Variants in NADK observed in about 807,000 individuals in gnomAD.
NADK encodes poly(P)/ATP NAD kinase.
NADK carries 22 observed loss-of-function variants against 49.8 expected under a neutral mutation model. The observed-to-expected ratio is 0.44, with a 90% confidence interval of 0.32 to 0.63. The LOEUF (loss-of-function observed/expected upper bound fraction) is 0.63, where lower values mean the gene tolerates loss of function less well. Among genes scored for constraint, NADK ranks in the 30% least tolerant of loss-of-function variants. The probability of loss-of-function intolerance (pLI) is 0.06; values close to 1 mark genes in which losing one functional copy is unlikely to be tolerated. For synonymous variants in NADK, 268 were observed against 253.7 expected (o/e 1.06, Z -0.54); for missense variants, 438 against 609.4 (o/e 0.72, Z 2.96).
At position 1,754,301 on chromosome 1, in the gene NADK, G is replaced by GTGA; in HGVS notation, c.923_925dup (p.Ile308dup). ...GGCCTTACCGTCGCCCTGCACCGTGGTGATGAGGTGTCCGTCCAGGTAGAC... is the reference window on the plus strand; with the variant it reads ...GGCCTTACCGTCGCCCTGCACCGTGGTGATGATGAGGTGTCCGTCCAGGTAGAC... On this transcript the variant is annotated inframe_insertion, in exon 9 of 12. Coordinates refer to ENST00000341426, the MANE Select transcript of NADK (RefSeq NM_023018.5). This position sits in a 1 kb window ranked among gnomAD's most constrained non-coding sequence, Gnocchi z 4.3. 1 of 1,613,822 alleles carries GTGA rather than the reference G, an allele frequency of 6.2e-7. No individual in the cohort carries two copies. The highest frequency in any genetic ancestry group is 8.5e-7 in the Non-Finnish European group (1 of 1,179,960).
At chr1:1,766,805 C>T (rs1270238833) in intron 1 of NADK, among the ~76,000 whole-genome samples, 1 of 151,710 alleles carries the variant, frequency 6.6e-6, no homozygotes, top group Non-Finnish European at 1.5e-5. Flanking sequence ...GGGTGTCTTG[C>T]TCTGTTGCCC....
At chr1:1,762,153 T>G (rs573094783) in intron 2 of NADK, 118 bp from the exon 3 acceptor site, 2 of 817,624 alleles carry the variant, frequency 2.4e-6, no homozygotes, top group Non-Finnish European at 4.0e-6. Context: ...AGATGCCAAC[T>G]CCATCTGCCC....
intron 3 of NADK, among the ~76,000 whole-genome samples, chr1:1,760,212 C>A (rs558384945): frequency 6.6e-6 from 1 of 152,264 alleles, no homozygotes; most frequent in Admixed American, 6.5e-5. Flanking sequence ...GGGGTCGGGC[C>A]CCCCGCCTCA....
At position 1,754,667 on chromosome 1, in the gene NADK, C is replaced by T; in HGVS notation, c.720G>A (p.Leu240=). ...GNAAVVLRSR[L]KVRVVKELRG... Reference sequence around the variant, plus strand: ...GGAGCTCCTTCACCACCCTGACCTTCAGCCGACTCCGGAGAACAACAGCTG... The same window carrying T: ...GGAGCTCCTTCACCACCCTGACCTTTAGCCGACTCCGGAGAACAACAGCTG... Residue 240 remains leucine, a synonymous_variant, in exon 8 of 12, where the codon CTG becomes CTA. Coordinates refer to ENST00000341426, the MANE Select transcript of NADK (RefSeq NM_023018.5). This position sits in a 1 kb window ranked among gnomAD's most constrained non-coding sequence, Gnocchi z 4.3. 1.2e-6 allele frequency: 2 copies of T among 1,613,852 alleles called. No homozygotes were observed. The highest frequency in any genetic ancestry group is 1.7e-6 in the Non-Finnish European group (2 of 1,179,918).
chr1:1,767,009 G>C (rs1239359490), intron 1 of NADK, among the ~76,000 whole-genome samples: 2 of 151,864 alleles, frequency 1.3e-5, no homozygotes, highest in Non-Finnish European at 2.9e-5. Flanking sequence ...CTGCTTCCCG[G>C]GTTCAAGTGA....
rs749774507 is a variant in NADK, at chr1:1,756,485, G to C, written c.499+18C>G. 3 of 1,613,810 alleles carry C rather than the reference G, an allele frequency of 1.9e-6. No homozygotes were observed. The highest frequency in any genetic ancestry group is 1.1e-5 in the South Asian group (1 of 91,078). Reference sequence around the variant, plus strand: ...AACTGTGCTGGAGAAACCAAGGACAGAGCTGCTGACAGCCCACCTTCTCGA... The same window carrying C: ...AACTGTGCTGGAGAAACCAAGGACACAGCTGCTGACAGCCCACCTTCTCGA... On this transcript the variant is annotated intron_variant, in intron 5 of 11. Coordinates refer to ENST00000341426, the MANE Select transcript of NADK (RefSeq NM_023018.5).
intron 3 of NADK, 70 bp downstream of exon 3, chr1:1,761,882 G>A (rs538588556): frequency 3.1e-5 from 45 of 1,444,656 alleles, no homozygotes; most frequent in South Asian, 1.4e-4. Flanking sequence ...CATGGCCCCC[G>A]GCACTCACAT....
At chr1:1,768,183 A>G (rs1447257700) in intron 1 of NADK, among the ~76,000 whole-genome samples, 1 of 151,714 alleles carries the variant, frequency 6.6e-6, no homozygotes, top group Admixed American at 6.6e-5. Context: ...AAAAAAAAAA[A>G]AAAAGAAAAA....
At chr1:1,759,477 C>G (rs1193531505) in intron 3 of NADK, among the ~76,000 whole-genome samples, 1 of 152,206 alleles carries the variant, frequency 6.6e-6, no homozygotes. Flanking sequence ...ACTCACGCAC[C>G]TCCACAACAC....
In NADK at chr1:1,754,897, C is replaced by T; in HGVS notation, c.689-199G>A. ...AATGCAGTGGTGTGATCTTGGCTCA[C>T]TGCAACCTCTGCCTCCCAGGTTCAA... On this transcript the variant is annotated intron_variant, in intron 7 of 11. Coordinates refer to ENST00000341426, the MANE Select transcript of NADK (RefSeq NM_023018.5). The surrounding 1 kb of genome is among the most constrained non-coding windows in gnomAD (Gnocchi z 4.3). 1 of 539,658 alleles carries T rather than the reference C, an allele frequency of 1.9e-6. No homozygotes were observed. The highest frequency in any genetic ancestry group is 3.7e-5 in the Admixed American group (1 of 27,318). 33.4% of individuals were successfully genotyped at this position (539,658 alleles called of 1,614,324 possible). A position where few individuals can be genotyped will look rare whatever the true frequency, so the allele number is the denominator to read the frequency against.
At chr1:1,774,606 G>A (rs551077681) in intron 1 of NADK, among the ~76,000 whole-genome samples, 7 of 151,470 alleles carry the variant, frequency 4.6e-5, no homozygotes, top group African/African-American at 7.3e-5. Context: ...TGGCCACTGC[G>A]CGCGGCCACC....
In NADK at chr1:1,765,499, C is replaced by G. The variant is rs911973997; in HGVS notation, c.-40-53G>C. 4.3e-6 allele frequency: 4 copies of G among 940,750 alleles called. No homozygotes were observed. The African/African-American group carries it at 6.8e-5, about 16-fold the overall frequency. The allele number at this position is 940,750 out of a possible 1,614,324, so 58.3% of individuals were successfully genotyped here. On this transcript the variant is annotated intron_variant, in intron 1 of 11. Transcript: ENST00000341426. ...ATAAAGTAAATAAATATGTATGAAA[C>G]AATAATAATTTACACATACATATGT...
chr1:1,754,828 T>C lies in NADK; in HGVS notation c.689-130A>G. ...AAGTTGACACACTTCTGTGCCTTTTTCTTTTTATTTTGAGATGGAGTCTCA... is the reference window on the plus strand; with the variant it reads ...AAGTTGACACACTTCTGTGCCTTTTCCTTTTTATTTTGAGATGGAGTCTCA... On this transcript the variant is annotated intron_variant, in intron 7 of 11. Coordinates refer to ENST00000341426, the MANE Select transcript of NADK (RefSeq NM_023018.5). This position sits in a 1 kb window ranked among gnomAD's most constrained non-coding sequence, Gnocchi z 4.3. The C allele has an allele frequency of 1.1e-6, 1 of 876,550 alleles. No homozygotes were observed. The highest frequency in any genetic ancestry group is 1.7e-5 in the South Asian group (1 of 57,258). The allele number at this position is 876,550 out of a possible 1,614,324, so 54.3% of individuals were successfully genotyped here.
chr1:1,771,484 T>C (rs897296262), intron 1 of NADK, among the ~76,000 whole-genome samples: 1 of 152,162 alleles, frequency 6.6e-6, no homozygotes, highest in Non-Finnish European at 1.5e-5. Flanking sequence ...CATGACTTGT[T>C]GAAAAACTAC....
At chr1:1,773,383 C>T (rs957551208) in intron 1 of NADK, among the ~76,000 whole-genome samples, 4 of 151,008 alleles carry the variant, frequency 2.6e-5, no homozygotes, top group East Asian at 2.0e-4. Flanking sequence ...TCAGGTGATC[C>T]GCCCGCCTCG....
At chr1:1,760,003 C>T (rs138612676) in intron 3 of NADK, 22 of 1,314,922 alleles carry the variant, frequency 1.7e-5, no homozygotes, top group South Asian at 7.0e-5. Flanking sequence ...GACAGAGCCA[C>T]GGCGGGGCCG....
chr1:1,753,859 C>A (rs1387664869), intron 10 of NADK, among the ~76,000 whole-genome samples, 192 bp downstream of exon 10: 1 of 152,206 alleles, frequency 6.6e-6, no homozygotes, highest in Non-Finnish European at 1.5e-5. Flanking sequence ...GGGCCCTGGG[C>A]ACCTTGATGG....
intron 10 of NADK, 142 bp downstream of exon 10, chr1:1,753,909 G>A: frequency 1.8e-6 from 2 of 1,117,470 alleles, no homozygotes; most frequent in Non-Finnish European, 1.3e-6. Flanking sequence ...TTGCATCTGA[G>A]GGGGCACAGG....
At chr1:1,753,501 G>T in intron 11 of NADK, 66 bp downstream of exon 11, 1 of 1,404,214 alleles carries the variant, frequency 7.1e-7, no homozygotes, top group Non-Finnish European at 9.9e-7. Flanking sequence ...ACCGCAAGAG[G>T]GCAGGCGCTG....
Sources: allele counts gnomAD v4.1 joint callset (sites outside exome capture counted in the v4.1 genomes callset), GRCh38; gene constraint gnomAD v4.1.1; non-coding constraint Gnocchi (gnomAD v3.1); transcripts MANE v1.5; gene names NCBI Gene and HGNC (gene_info 2026-07-23, HGNC 2026-07-21).